The following DDI2 variants were observed in gnomAD, a reference collection of about 807,000 sequenced individuals.
The protein encoded by DDI2 is DDI proteasomal shuttling factor 2, also known as protein DDI1 homolog 2.
Under a neutral mutation model 48.1 loss-of-function variants are expected in DDI2, and 5 were observed. The observed-to-expected ratio is 0.10, with a 90% CI of 0.05 to 0.22. The LOEUF is 0.22. Ranked by LOEUF, DDI2 falls within the 10% of genes least tolerant of loss-of-function variation. The pLI, the probability that DDI2 is intolerant of heterozygous loss-of-function variation, is 1.00. For missense variants in DDI2, 285 were observed against 506.2 expected, an observed-to-expected ratio of 0.56 and a Z score of 4.19; for synonymous variants, 205 against 183.6, an observed-to-expected ratio of 1.12 and a Z score of -0.94.
chr1:15,656,371 C>T, intron 8 of DDI2: 1 of 1,359,386 alleles, frequency 7.4e-7, no homozygotes, highest in South Asian at 1.6e-5. Context: ...TGTGTAGAAA[C>T]AAAATTAATT....
chr1:15,662,954 TG>T lies in DDI2; in HGVS notation c.*3165del, dbSNP rs1330779406. On this transcript the variant is annotated 3_prime_UTR_variant, in exon 10 of 10. Transcript: ENST00000480945. ...GTTAGAGTGGGGCATAATATATAGA[TG>T]TATTTATTGTGGCCTTTTTTTATAT... is the stretch of plus-strand genomic sequence containing the variant. 2 of 152,200 alleles carry T rather than the reference TG, an allele frequency of 1.3e-5. No homozygotes were observed. Among genetic ancestry groups the T allele is most frequent in the Non-Finnish European group, 2.9e-5 (2 of 68,034 alleles). 9.4% of individuals were successfully genotyped at this position (152,200 alleles called of 1,614,324 possible).
Position 15,660,863 on chromosome 1 carries a change from C to T in DDI2, c.*1073C>T, listed in dbSNP as rs375552353. 83 of 1,614,152 alleles carry T rather than the reference C, an allele frequency of 5.1e-5. No homozygotes were observed. The highest frequency in any genetic ancestry group is 5.3e-5 in the African/African-American group (4 of 75,054). On this transcript the variant is annotated 3_prime_UTR_variant, in exon 10 of 10. Coordinates refer to ENST00000480945, the MANE Select transcript of DDI2 (RefSeq NM_032341.5). The stretch of plus-strand genomic sequence containing the variant: ...AAAGAATATGGCCATTACTCCTCTC[C>T]AAGTCTCTGTGGCAGTTGTCAGCCT...
intron 5 of DDI2, among the ~76,000 whole-genome samples, chr1:15,643,149 G>C (rs1453371322): frequency 6.6e-6 from 1 of 152,176 alleles, no homozygotes; most frequent in African/African-American, 2.4e-5. Flanking sequence ...CAGGAGAATC[G>C]TTTGAAGCCA....
At position 15,650,149 on chromosome 1, in the gene DDI2, G is replaced by A. The variant is rs182677651; in HGVS notation, c.993+326G>A. 2.6e-5 allele frequency among the ~76,000 whole-genome samples: 4 copies of A among 152,302 alleles called. No homozygotes were observed. The East Asian group carries it at 7.7e-4, about 29-fold the overall frequency. ...TTTTGATGACCTGACTAAAAAGTGTGAGTCAAGTAAGTCTTTAGCATTCTC... is the reference window on the plus strand; with the variant it reads ...TTTTGATGACCTGACTAAAAAGTGTAAGTCAAGTAAGTCTTTAGCATTCTC... On this transcript the variant is annotated intron_variant, in intron 7 of 9. Transcript: ENST00000480945.
intron 8 of DDI2, chr1:15,656,374 A>G: frequency 7.3e-7 from 1 of 1,371,098 alleles, no homozygotes; most frequent in Non-Finnish European, 9.5e-7. Context: ...GTAGAAACAA[A>G]ATTAATTTCT....
Position 15,643,558 on chromosome 1 carries a change from A to G in DDI2, c.797A>G (p.Glu266Gly). 6.2e-7 allele frequency: 1 copy of G among 1,614,146 alleles called. No individual in the cohort carries two copies. Among genetic ancestry groups the G allele is most frequent in the African/African-American group, 1.3e-5 (1 of 75,046 alleles). ...ACTATCATGAGCCAAGCTTGTGCAGAAAGGTGTAACATAATGAGACTGGTG... is the reference window on the plus strand; with the variant it reads ...ACTATCATGAGCCAAGCTTGTGCAGGAAGGTGTAACATAATGAGACTGGTG... Reference protein sequence around the residue: ...QMTIMSQACAERCNIMRLVDR... With the variant: ...QMTIMSQACAGRCNIMRLVDR... Residue 266 changes from glutamate (E) to glycine (G), a missense_variant, in exon 6 of 10, where the codon GAA becomes GGA. Coordinates refer to ENST00000480945, the MANE Select transcript of DDI2 (RefSeq NM_032341.5).
intron 9 of DDI2, chr1:15,657,078 A>G (rs568382882): frequency 5.2e-4 from 85 of 162,292 alleles, no homozygotes; most frequent in Non-Finnish European, 8.4e-4. Flanking sequence ...ACATTACTGC[A>G]TACAACTACC....
Position 15,661,298 on chromosome 1 carries a change from C to G in DDI2, c.*1508C>G. ...AAGAACCGTTCTGTCACTGTAACCT[C>G]AGCTAAAACATCCAATCAGTTACAC... On this transcript the variant is annotated 3_prime_UTR_variant, in exon 10 of 10. Transcript: ENST00000480945. 1 of 1,614,074 alleles carries G rather than the reference C, an allele frequency of 6.2e-7. No homozygotes were observed. The highest frequency in any genetic ancestry group is 1.1e-5 in the South Asian group (1 of 91,060).
At position 15,664,141 on chromosome 1, in the gene DDI2, T is replaced by G. The variant is rs1416595172; in HGVS notation, c.*4351T>G. 1 of 152,198 alleles carries G rather than the reference T, an allele frequency of 6.6e-6. No individual in the cohort carries two copies. Among genetic ancestry groups the G allele is most frequent in the Non-Finnish European group, 1.5e-5 (1 of 68,044 alleles). The allele number at this position is 152,198 out of a possible 1,614,324, so 9.4% of individuals were successfully genotyped here. A position where few individuals can be genotyped will look rare whatever the true frequency, so the allele number is the denominator to read the frequency against. On this transcript the variant is annotated 3_prime_UTR_variant, in exon 10 of 10. Coordinates refer to ENST00000480945, the MANE Select transcript of DDI2 (RefSeq NM_032341.5). The stretch of plus-strand genomic sequence containing the variant: ...GGACTCAAACTCTGGGGCTTAATCA[T>G]CCTTCTGAGTAGCTGGGACTACATA...
intron 5 of DDI2, among the ~76,000 whole-genome samples, chr1:15,639,466 G>C (rs977677368): frequency 6.6e-6 from 1 of 151,782 alleles, no homozygotes; most frequent in East Asian, 1.9e-4. Context: ...CTGGGTTTCA[G>C]CTCTCTCTCT....
Position 15,665,336 on chromosome 1 carries a change from ACT to A in DDI2, c.*5549_*5550del, listed in dbSNP as rs897530227. 2 of 151,294 alleles carry A rather than the reference ACT, an allele frequency of 1.3e-5. No individual in the cohort carries two copies. The highest frequency in any genetic ancestry group is 2.9e-5 in the Non-Finnish European group (2 of 67,960). 9.4% of individuals were successfully genotyped at this position (151,294 alleles called of 1,614,324 possible). ...AGAGATGGCGAGTGCATGTGTTAAA[ACT>A]CTTCTGCCTTGCAGCCCACATCTTC... On this transcript the variant is annotated 3_prime_UTR_variant, in exon 10 of 10. Coordinates refer to ENST00000480945, the MANE Select transcript of DDI2 (RefSeq NM_032341.5).
At position 15,643,647 on chromosome 1, in the gene DDI2, C is replaced by A. The variant is rs750482430; in HGVS notation, c.886C>A (p.Leu296Ile). 6.2e-7 allele frequency: 1 copy of A among 1,614,034 alleles called. No individual in the cohort carries two copies. Residue 296 changes from leucine (L) to isoleucine (I), a missense_variant, in exon 6 of 10, where the codon CTA becomes ATA. Leu to Ile is a conservative substitution (Grantham distance 5, BLOSUM62 2). Around this residue, in one of 3 missense-constraint regions of DDI2, gnomAD observed 70 missense variants for 182.3 expected, o/e 0.38. Transcript: ENST00000480945. The part of the protein sequence containing the change: ...GTQKIIGRVH[L>I]AQVQIEGDFL... ...CCAGAAGATTATTGGAAGGGTACAT[C>A]TAGGTGAGCAAAAGGCACTGGGGCT...
At chr1:15,618,883 A>G (rs78210808) in intron 1 of DDI2, among the ~76,000 whole-genome samples, 4,931 of 152,326 alleles carry the variant, frequency 0.032, 270 homozygotes, top group African/African-American at 0.11. Flanking sequence ...TTACAAAACG[A>G]TTGCCCAACT....
chr1:15,654,657 CAA>C (rs201383199), intron 8 of DDI2, among the ~76,000 whole-genome samples: 35 of 108,754 alleles, frequency 3.2e-4, no homozygotes, highest in Admixed American at 3.9e-4. Context: ...ATCCTGTGTC[CAA>C]AAAAAAAAAA....
At chr1:15,658,351 C>T (rs1164075347) in intron 9 of DDI2, among the ~76,000 whole-genome samples, 1 of 151,576 alleles carries the variant, frequency 6.6e-6, no homozygotes, top group South Asian at 2.1e-4. Context: ...GGTTTCACCA[C>T]GTTGGCCAGG....
Position 15,666,544 on chromosome 1 carries a change from T to A in DDI2, c.*6754T>A, listed in dbSNP as rs1323988202. ...TTGTGCTGGTTAAGGGAGAGAAAAG[T>A]TCAAGAAGATCTTACATATTTGAAA... On this transcript the variant is annotated 3_prime_UTR_variant, in exon 10 of 10. Coordinates refer to ENST00000480945, the MANE Select transcript of DDI2 (RefSeq NM_032341.5). 1 of 152,226 alleles carries A rather than the reference T, an allele frequency of 6.6e-6. No individual in the cohort carries two copies. The highest frequency in any genetic ancestry group is 1.5e-5 in the Non-Finnish European group (1 of 68,044). 9.4% of individuals were successfully genotyped at this position (152,226 alleles called of 1,614,324 possible).
intron 2 of DDI2, among the ~76,000 whole-genome samples, chr1:15,628,966 C>A (rs1279311844): frequency 6.6e-6 from 1 of 152,106 alleles, no homozygotes; most frequent in African/African-American, 2.4e-5. Flanking sequence ...ATATGTGAGT[C>A]CGTTGTGTAA....
At chr1:15,641,187 A>G (rs536044413) in intron 5 of DDI2, among the ~76,000 whole-genome samples, 5 of 152,214 alleles carry the variant, frequency 3.3e-5, no homozygotes, top group East Asian at 3.9e-4. Context: ...AAATGGTGCT[A>G]TTGGCCCAGT....
In DDI2 at chr1:15,652,446, C is replaced by CGGGGGG. The variant is rs1396074011; in HGVS notation, c.1183+553_1183+554insGGGGGG. 3.8e-4 allele frequency among the ~76,000 whole-genome samples: 6 copies of CGGGGGG among 15,916 alleles called. No individual in the cohort carries two copies. In the East Asian group the frequency reaches 5.6e-3, roughly 15 times the overall value. The allele number at this position is 15,916 out of a possible 152,430, so 10.4% of individuals were successfully genotyped here. ...TTAATCCCAGCACTTTGGGAGGCTC[C>CGGGGGG]GGAGGGGGGGGGGGGGGGGCGGATC... is the stretch of plus-strand genomic sequence containing the variant. On this transcript the variant is annotated intron_variant, in intron 8 of 9. Coordinates refer to ENST00000480945, the MANE Select transcript of DDI2 (RefSeq NM_032341.5).
Sources: allele counts gnomAD v4.1 joint callset (sites outside exome capture counted in the v4.1 genomes callset), GRCh38; gene constraint gnomAD v4.1.1; regional missense constraint gnomAD v4.1.1; transcripts MANE v1.5; gene names NCBI Gene and HGNC (gene_info 2026-07-23, HGNC 2026-07-21).